Variants in NOC3L observed in about 807,000 individuals in gnomAD.
The protein encoded by NOC3L is NOC3 like DNA replication regulator, also known as nucleolar complex protein 3 homolog.
In NOC3L, 85 loss-of-function variants were observed where a neutral mutation model predicts 102.5. That is an observed-to-expected ratio of 0.83 (90% CI 0.70 to 0.99). The LOEUF is 0.99. Ranked by LOEUF, NOC3L falls within the 50% of genes least tolerant of loss-of-function variation. The pLI, the probability that NOC3L is intolerant of heterozygous loss-of-function variation, is 0.00. For synonymous variants in NOC3L, 303 were observed against 309.4 expected, an observed-to-expected ratio of 0.98 and a Z score of 0.22; for missense variants, 878 against 914.9, an observed-to-expected ratio of 0.96 and a Z score of 0.52.
the NOC3L span, chr10:94,316,897 GT>G: frequency 2.8e-6 from 2 of 711,096 alleles, no homozygotes; most frequent in Middle Eastern, 2.9e-4. Context: ...TGGATGAACA[GT>G]TTTATTCTTC....
chr10:94,341,262 AT>A (rs2054281158), intron 14 of NOC3L, among the ~76,000 whole-genome samples: 1 of 152,074 alleles, frequency 6.6e-6, no homozygotes, highest in Non-Finnish European at 1.5e-5. Flanking sequence ...ACAATAATCT[AT>A]TATCTATTTC....
chr10:94,323,977 T>A, the NOC3L span, among the ~76,000 whole-genome samples: 2 of 152,206 alleles, frequency 1.3e-5, no homozygotes, highest in Admixed American at 6.5e-5. Flanking sequence ...AAGATTCTAT[T>A]CCTCACTGGC....
At chr10:94,337,718 T>C (rs2054237474) in intron 19 of NOC3L, 59 bp downstream of exon 19, 8 of 1,127,226 alleles carry the variant, frequency 7.1e-6, no homozygotes, top group African/African-American at 3.1e-5. Flanking sequence ...AGTCTTCTCA[T>C]AGTAAGTGGC....
chr10:94,316,533 CACTTT>C, the NOC3L span: 1 of 1,581,088 alleles, frequency 6.3e-7, no homozygotes, highest in Non-Finnish European at 8.7e-7. Flanking sequence ...AGTTTGCCTT[CACTTT>C]TTCTTTAGAT....
chr10:94,360,937 A>G (rs2054545488), intron 2 of NOC3L, among the ~76,000 whole-genome samples: 1 of 151,996 alleles, frequency 6.6e-6, no homozygotes, highest in South Asian at 2.1e-4. Context: ...GCCTGAGCCC[A>G]GGAGGTCAAG....
chr10:94,351,383 GCAA>G (rs2054415238), intron 8 of NOC3L, among the ~76,000 whole-genome samples: 2 of 152,270 alleles, frequency 1.3e-5, no homozygotes, highest in East Asian at 1.9e-4. Context: ...CCTGGCCTAG[GCAA>G]CAACTGTCTT....
the NOC3L span, chr10:94,324,892 G>T: frequency 1.9e-6 from 3 of 1,613,840 alleles, no homozygotes; most frequent in East Asian, 2.2e-5. Flanking sequence ...GTTCCCACAG[G>T]CATCTCGAGA....
In NOC3L at chr10:94,337,837, T is replaced by G. The variant is rs1423240819; in HGVS notation, c.2129A>C (p.His710Pro). Residue 710 changes from histidine to proline, a missense_variant, in exon 19 of 21, where the codon CAC becomes CCC. Transcript: ENST00000371361. ...YHPIVQRFAA[H>P]LIAGAPSEGS... ...TTCAGAAGGTGCTCCAGCGATCAGG[T>G]GGGCTGCAAATCTCTGCACTATGGG... 4.3e-6 allele frequency: 7 copies of G among 1,614,032 alleles called. No individual in the cohort carries two copies. The highest frequency in any genetic ancestry group is 5.9e-6 in the Non-Finnish European group (7 of 1,179,948).
At chr10:94,320,634 T>C in the NOC3L span, among the ~76,000 whole-genome samples, 7 of 152,186 alleles carry the variant, frequency 4.6e-5, no homozygotes, top group Non-Finnish European at 1.0e-4. Context: ...ATAAGGGAGT[T>C]TTCCTGCCAA....
At chr10:94,348,606 T>TG (rs2054376091) in intron 10 of NOC3L, among the ~76,000 whole-genome samples, 1 of 151,854 alleles carries the variant, frequency 6.6e-6, no homozygotes, top group Non-Finnish European at 1.5e-5. Flanking sequence ...GTAAAAAAAG[T>TG]TTATATATAT....
intron 6 of NOC3L, 104 bp downstream of exon 6, chr10:94,354,859 G>T: frequency 8.8e-7 from 1 of 1,132,368 alleles, no homozygotes. Flanking sequence ...TTTAGTTAAT[G>T]CTTTTCCTTT....
At chr10:94,361,187 GT>G (rs534287653) in intron 2 of NOC3L, 224 of 156,044 alleles carry the variant, frequency 1.4e-3, no homozygotes, top group African/African-American at 4.7e-3. Flanking sequence ...TTTTTAGATA[GT>G]TTTACAAAAT....
At chr10:94,316,493 G>A in the NOC3L span, 2 of 1,123,352 alleles carry the variant, frequency 1.8e-6, no homozygotes, top group East Asian at 2.3e-5. Context: ...CATGAAAGTT[G>A]ATTTGTTTTA....
At chr10:94,316,359 G>T in the NOC3L span, among the ~76,000 whole-genome samples, 2 of 152,140 alleles carry the variant, frequency 1.3e-5, no homozygotes, top group Non-Finnish European at 2.9e-5. Context: ...TTGTGCCGTT[G>T]CCCGGAGTGA....
intron 6 of NOC3L, among the ~76,000 whole-genome samples, chr10:94,353,859 T>C (rs2054451510): frequency 6.6e-6 from 1 of 152,198 alleles, no homozygotes; most frequent in Non-Finnish European, 1.5e-5. Flanking sequence ...AGGAATTACA[T>C]GTAATATAGC....
At chr10:94,349,426 C>G in intron 9 of NOC3L, 48 bp from the exon 10 acceptor site, 3 of 1,518,602 alleles carry the variant, frequency 2.0e-6, no homozygotes, top group Non-Finnish European at 1.8e-6. Context: ...AACCTTAGCA[C>G]TACTGACGTT....
intron 10 of NOC3L, among the ~76,000 whole-genome samples, chr10:94,346,815 T>C (rs966202149): frequency 6.6e-6 from 1 of 152,124 alleles, no homozygotes; most frequent in Non-Finnish European, 1.5e-5. Context: ...TGCAGTTTAA[T>C]GAGTATAAGG....
At chr10:94,354,381 A>T (rs543561030) in intron 6 of NOC3L, among the ~76,000 whole-genome samples, 1 of 152,308 alleles carries the variant, frequency 6.6e-6, no homozygotes, top group East Asian at 1.9e-4. Flanking sequence ...TTAGAGATGA[A>T]AGAGTCTTGG....
At position 94,352,954 on chromosome 10, in the gene NOC3L, TTAAA is replaced by T. The variant is rs1397137331; in HGVS notation, c.796_799del (p.Phe266LysfsTer28). 1.2e-6 allele frequency: 2 copies of T among 1,613,366 alleles called. No individual in the cohort carries two copies. Among genetic ancestry groups the T allele is most frequent in the Middle Eastern group, 1.7e-4 (1 of 6,060 alleles). On this transcript the variant is annotated frameshift_variant, in exon 7 of 21. Coordinates refer to ENST00000371361, the MANE Select transcript of NOC3L (RefSeq NM_022451.11). LOFTEE classifies it high-confidence loss of function. Reference sequence around the variant, plus strand: ...GATTTTATATGAAGGAGTAATATCTTTAAATAACTCCATCAGAGAAACAATTACC... The same window carrying T: ...GATTTTATATGAAGGAGTAATATCTTTAACTCCATCAGAGAAACAATTACC...
Sources: gnomAD v4.1 joint callset for allele counts (sites outside exome capture counted in the v4.1 genomes callset) on GRCh38, gnomAD v4.1.1 for gene constraint, MANE v1.5 for transcripts, NCBI Gene and HGNC (gene_info 2026-07-23, HGNC 2026-07-21) for gene names.